SNRNP70: variants seen among roughly 807,000 people sequenced by gnomAD.
The protein encoded by SNRNP70 is U1 small nuclear ribonucleoprotein 70 kDa.
A neutral mutation model predicts 50.5 loss-of-function variants in SNRNP70; 8 were observed. That is an observed-to-expected ratio of 0.16 (90% CI 0.09 to 0.29). The LOEUF is 0.29. Ranked by LOEUF, SNRNP70 falls within the 10% of genes least tolerant of loss-of-function variation. The pLI is 1.00. For synonymous variants in SNRNP70, 320 were observed against 252.9 expected (o/e 1.27, Z -2.52); for missense variants, 529 against 663.5 (o/e 0.80, Z 2.23).
At chr19:49,095,681 C>T (rs192272564) in intron 4 of SNRNP70, among the ~76,000 whole-genome samples, 77 of 151,986 alleles carry the variant, frequency 5.1e-4, no homozygotes, top group African/African-American at 1.6e-3. Flanking sequence ...GGACCACACC[C>T]AGCTAATTTT....
rs1281434685 is a variant in SNRNP70, at chr19:49,107,409, C to T, written c.578-216C>T. 6.6e-6 allele frequency among the ~76,000 whole-genome samples: 1 copy of T among 152,198 alleles called. No homozygotes were observed. The highest frequency in any genetic ancestry group is 1.5e-5 in the Non-Finnish European group (1 of 68,036). ...GGCCAGACATGGGTTCCAGTAACGGCTGTTGCCTAGCGAACGCTTTGTGTG... is the reference window on the plus strand; with the variant it reads ...GGCCAGACATGGGTTCCAGTAACGGTTGTTGCCTAGCGAACGCTTTGTGTG... On this transcript the variant is annotated intron_variant, in intron 8 of 9. Coordinates refer to ENST00000598441, the MANE Select transcript of SNRNP70 (RefSeq NM_003089.6). The surrounding 1 kb of genome is among the most constrained non-coding windows in gnomAD (Gnocchi z 6.0).
Position 49,107,769 on chromosome 19 carries a change from C to T in SNRNP70, c.666-26C>T, listed in dbSNP as rs369028611. On this transcript the variant is annotated intron_variant, in intron 9 of 9. Transcript: ENST00000598441. The surrounding 1 kb of genome is among the most constrained non-coding windows in gnomAD (Gnocchi z 6.0). ...GGGGCGGTCACGGGGGGAGCCCAGC[C>T]ACACAGGTCTGCCCACCTCATCCAG... 6.8e-6 allele frequency: 11 copies of T among 1,611,702 alleles called. No individual in the cohort carries two copies. The highest frequency in any genetic ancestry group is 9.3e-6 in the Non-Finnish European group (11 of 1,179,404).
In SNRNP70 at chr19:49,107,123, T is replaced by G. The variant is rs551958583; in HGVS notation, c.578-502T>G. On this transcript the variant is annotated intron_variant, in intron 8 of 9. Transcript: ENST00000598441. The surrounding 1 kb of genome is among the most constrained non-coding windows in gnomAD (Gnocchi z 6.0). ...ACAGACACTGGCAGGAAGGTGAGCG[T>G]GGGGACACTGGGAAAGGCCTGGGAC... Among the ~76,000 whole-genome samples the G allele has an allele frequency of 6.6e-6, 1 of 151,998 alleles. No homozygotes were observed. Among genetic ancestry groups the G allele is most frequent in the Non-Finnish European group, 1.5e-5 (1 of 67,966 alleles).
At chr19:49,103,166 G>C (rs914015469) in intron 7 of SNRNP70, 6 of 152,490 alleles carry the variant, frequency 3.9e-5, no homozygotes, top group Non-Finnish European at 5.9e-5. Context: ...AGTGTGACTC[G>C]GGGATTGGTG....
At chr19:49,086,004 C>T (rs1266978449) in intron 1 of SNRNP70, among the ~76,000 whole-genome samples, 1 of 152,178 alleles carries the variant, frequency 6.6e-6, no homozygotes, top group Non-Finnish European at 1.5e-5. Context: ...TGGAAACTTC[C>T]GATCCCCAGG....
At position 49,098,120 on chromosome 19, in the gene SNRNP70, T is replaced by G. The variant is rs530640612; in HGVS notation, c.266-307T>G. Among the ~76,000 whole-genome samples, 13 of 152,298 alleles carry G rather than the reference T, an allele frequency of 8.5e-5. No homozygotes were observed. The South Asian group carries it at 2.5e-3, about 29-fold the overall frequency. ...TTGCATCTGGGAGCGATAGGGCCCT[T>G]AGGGTTTATGTAGGTCTGAAATGGC... On this transcript the variant is annotated intron_variant, in intron 4 of 9. Coordinates refer to ENST00000598441, the MANE Select transcript of SNRNP70 (RefSeq NM_003089.6).
chr19:49,098,782 T>A, intron 6 of SNRNP70, 78 bp downstream of exon 6: 4 of 1,113,128 alleles, frequency 3.6e-6, no homozygotes, highest in Non-Finnish European at 4.1e-6. Context: ...GGGAGAGAGG[T>A]CCCAGCCCTG....
chr19:49,089,664 T>A (rs1020108671), intron 2 of SNRNP70, among the ~76,000 whole-genome samples: 2 of 134,606 alleles, frequency 1.5e-5, no homozygotes, highest in African/African-American at 5.4e-5. Flanking sequence ...GGATTTTTTT[T>A]TTTTTTTTTT....
chr19:49,105,806 C>T (rs889922882), intron 8 of SNRNP70, among the ~76,000 whole-genome samples: 3 of 152,172 alleles, frequency 2.0e-5, no homozygotes, highest in Non-Finnish European at 4.4e-5. Flanking sequence ...GCTTCTGCCT[C>T]GTTTGCCTCC....
chr19:49,094,173 T>C (rs1165135765), intron 4 of SNRNP70, among the ~76,000 whole-genome samples: 1 of 152,108 alleles, frequency 6.6e-6, no homozygotes, highest in African/African-American at 2.4e-5. Context: ...TAAAAGCCTT[T>C]GTTAGAGACC....
intron 2 of SNRNP70, 37 bp downstream of exon 2, chr19:49,086,598 C>G: frequency 6.2e-7 from 1 of 1,602,298 alleles, no homozygotes; most frequent in Non-Finnish European, 8.5e-7. Context: ...GGTTTGGGTT[C>G]TGGGGAGCAA....
At position 49,107,368 on chromosome 19, in the gene SNRNP70, A is replaced by T. The variant is rs543364661; in HGVS notation, c.578-257A>T. 1.3e-5 allele frequency among the ~76,000 whole-genome samples: 2 copies of T among 152,326 alleles called. No individual in the cohort carries two copies. Among genetic ancestry groups the T allele is most frequent in the Admixed American group, 6.5e-5 (1 of 15,300 alleles). On this transcript the variant is annotated intron_variant, in intron 8 of 9. Coordinates refer to ENST00000598441, the MANE Select transcript of SNRNP70 (RefSeq NM_003089.6). This position sits in a 1 kb window ranked among gnomAD's most constrained non-coding sequence, Gnocchi z 6.0. ...GAGGCTGTGAAGTGCGCTATGGTTA[A>T]GATGATGCGCTTTGGGGCCAGACAT...
rs766242216 is a variant in SNRNP70 at position 49,086,550 on chromosome 19, C to A, written c.136C>A (p.Arg46=). The change falls in exon 2 of 10, where the codon CGA becomes AGA. Residue 46 remains arginine, a synonymous_variant. Coordinates refer to ENST00000598441, the MANE Select transcript of SNRNP70 (RefSeq NM_003089.6). ...TTATTGTGGCATTGCGCCGTACATT[C>A]GAGAGTTTGAGGTGAGTTCACTGAG... is the stretch of plus-strand genomic sequence containing the variant. The part of the protein sequence containing the change: ...QPYCGIAPYI[R]EFEDPRDAPP... 6.2e-7 allele frequency: 1 copy of A among 1,613,842 alleles called. No homozygotes were observed.
intron 1 of SNRNP70, 142 bp from the exon 2 acceptor site, chr19:49,086,263 A>G: frequency 1.1e-6 from 1 of 915,068 alleles, no homozygotes; most frequent in Non-Finnish European, 1.6e-6. Context: ...TCCGCAACAC[A>G]GGACTGTTCT....
intron 4 of SNRNP70, among the ~76,000 whole-genome samples, chr19:49,092,096 CTTTT>C (rs2040453988): frequency 6.7e-6 from 1 of 150,344 alleles, no homozygotes; most frequent in Non-Finnish European, 1.5e-5. Context: ...TTACCTATGT[CTTTT>C]TGTTTGTTTG....
At chr19:49,106,070 C>T (rs1234489176) in intron 8 of SNRNP70, among the ~76,000 whole-genome samples, 1 of 152,220 alleles carries the variant, frequency 6.6e-6, no homozygotes, top group Non-Finnish European at 1.5e-5. Context: ...CTTGGGGCTC[C>T]TGTCCTGCCT....
chr19:49,104,725 C>G lies in SNRNP70; in HGVS notation c.567C>G (p.Pro189=). 1 of 1,546,466 alleles carries G rather than the reference C, an allele frequency of 6.5e-7. No homozygotes were observed. The highest frequency in any genetic ancestry group is 1.2e-5 in the South Asian group (1 of 83,324). The change falls in exon 8 of 10, where the codon CCC becomes CCG. Residue 189 remains proline (P), a synonymous_variant. Coordinates refer to ENST00000598441, the MANE Select transcript of SNRNP70 (RefSeq NM_003089.6). This position sits in a 1 kb window ranked among gnomAD's most constrained non-coding sequence, Gnocchi z 5.4. ...GCCGAACCGTGAAGGGCTGGAGGCC[C>G]CGGCGGCTAGGTGAGCACATCCTGC... is the stretch of plus-strand genomic sequence containing the variant. ...ERGRTVKGWR[P]RRLGGGLGGT...
At chr19:49,086,697 C>G (rs1403751025) in intron 2 of SNRNP70, 136 bp downstream of exon 2, 1 of 837,254 alleles carries the variant, frequency 1.2e-6, no homozygotes, top group Non-Finnish European at 2.0e-6. Flanking sequence ...CTCAGTTTCT[C>G]TGTTTTAAAT....
At position 49,104,586 on chromosome 19, in the gene SNRNP70, G is replaced by A. The variant is rs2040640471; in HGVS notation, c.476-48G>A. Reference sequence around the variant, plus strand: ...AGAGCTGGGCCTGTCCTGACTAGAGGACCCTCTGGGGACTCCTCTCCCCTC... The same window carrying A: ...AGAGCTGGGCCTGTCCTGACTAGAGAACCCTCTGGGGACTCCTCTCCCCTC... On this transcript the variant is annotated intron_variant, in intron 7 of 9. Transcript: ENST00000598441. The surrounding 1 kb of genome is among the most constrained non-coding windows in gnomAD (Gnocchi z 5.4). 1 of 1,417,522 alleles carries A rather than the reference G, an allele frequency of 7.1e-7. No homozygotes were observed. The highest frequency in any genetic ancestry group is 2.5e-5 in the East Asian group (1 of 40,316). 87.8% of individuals were successfully genotyped at this position (1,417,522 alleles called of 1,614,324 possible). A position where few individuals can be genotyped will look rare whatever the true frequency, so the allele number is the denominator to read the frequency against.
Sources: gnomAD v4.1 joint callset for allele counts (sites outside exome capture counted in the v4.1 genomes callset) on GRCh38, gnomAD v4.1.1 for gene constraint, Gnocchi (gnomAD v3.1) non-coding constraint, MANE v1.5 for transcripts, NCBI Gene and HGNC (gene_info 2026-07-23, HGNC 2026-07-21) for gene names.